KCNK1: variants seen among roughly 807,000 people sequenced by gnomAD.
KCNK1 encodes the protein potassium two pore domain channel subfamily K member 1, also known as potassium channel subfamily K member 1.
KCNK1 carries 10 observed loss-of-function variants against 22.2 expected under a neutral mutation model. The ratio of observed to expected loss-of-function variants is 0.45; its 90% CI spans 0.28 to 0.76. The LOEUF (loss-of-function observed/expected upper bound fraction) is 0.76, where lower values mean the gene tolerates loss of function less well. Ranked by LOEUF, KCNK1 falls within the 30% of genes least tolerant of loss-of-function variation. KCNK1 has a pLI of 0.14. For missense variants in KCNK1, 378 were observed against 421.0 expected (o/e 0.90, Z 0.89); for synonymous variants, 200 against 186.4 (o/e 1.07, Z -0.60).
At chr1:233,629,101 A>T (rs1481168800) in intron 1 of KCNK1, among the ~76,000 whole-genome samples, 1 of 152,226 alleles carries the variant, frequency 6.6e-6, no homozygotes, top group African/African-American at 2.4e-5. Flanking sequence ...GGGATGCATT[A>T]AAAAATACTG....
chr1:233,661,988 G>T (rs1253111746), intron 1 of KCNK1: 1 of 152,168 alleles, frequency 6.6e-6, no homozygotes, highest in Non-Finnish European at 1.5e-5. Flanking sequence ...CCGGTGTTAC[G>T]GTTCACTGTA....
At chr1:233,658,614 T>G (rs985971910) in intron 1 of KCNK1, among the ~76,000 whole-genome samples, 1 of 152,174 alleles carries the variant, frequency 6.6e-6, no homozygotes, top group Non-Finnish European at 1.5e-5. Flanking sequence ...GAGAAATGCA[T>G]CCTTAGGTGT....
At chr1:233,668,976 G>T (rs909742717) in intron 2 of KCNK1, among the ~76,000 whole-genome samples, 7 of 152,186 alleles carry the variant, frequency 4.6e-5, no homozygotes, top group African/African-American at 1.7e-4. Context: ...CTGGTGCAAA[G>T]TGAATACGCC....
In KCNK1 at chr1:233,644,491, ATAG is replaced by A. The variant is rs1658056084; in HGVS notation, c.356-22099_356-22097del. 2.0e-5 allele frequency among the ~76,000 whole-genome samples: 3 copies of A among 152,246 alleles called. No homozygotes were observed. The South Asian group carries it at 6.2e-4, about 32-fold the overall frequency. On this transcript the variant is annotated intron_variant, in intron 1 of 2. Transcript: ENST00000366621. The stretch of plus-strand genomic sequence containing the variant: ...GGCAATCAGTACATAATTCAATTAG[ATAG>A]TAGTGGGGGCTACAACAAATTGAAA...
chr1:233,633,359 A>T (rs181598446), intron 1 of KCNK1, among the ~76,000 whole-genome samples: 1 of 152,192 alleles, frequency 6.6e-6, no homozygotes, highest in Admixed American at 6.5e-5. Flanking sequence ...GAGCATTTTC[A>T]TGTAGGTTAT....
rs188815763 is a variant in KCNK1 at position 233,631,611 on chromosome 1, C to T, written c.355+17085C>T. On this transcript the variant is annotated intron_variant, in intron 1 of 2. Coordinates refer to ENST00000366621, the MANE Select transcript of KCNK1 (RefSeq NM_002245.4). ...CACTCATCATCTCTACTCTGCAAGT[C>T]TAAAAATGTGGCGTGTGTCAGGGTA... 6 of 251,960 alleles carry T rather than the reference C, an allele frequency of 2.4e-5. No homozygotes were observed. In the Admixed American group the frequency reaches 2.9e-4, roughly 12 times the overall value. The allele number at this position is 251,960 out of a possible 1,614,324, so 15.6% of individuals were successfully genotyped here. A position where few individuals can be genotyped will look rare whatever the true frequency, so the allele number is the denominator to read the frequency against.
At chr1:233,646,837 C>T (rs139171802) in intron 1 of KCNK1, among the ~76,000 whole-genome samples, 11 of 152,188 alleles carry the variant, frequency 7.2e-5, no homozygotes, top group Non-Finnish European at 1.5e-5. Flanking sequence ...AGAATTAATT[C>T]AGGGATTTGT....
chr1:233,622,582 T>A (rs1472395055), intron 1 of KCNK1, among the ~76,000 whole-genome samples: 1 of 152,202 alleles, frequency 6.6e-6, no homozygotes, highest in Non-Finnish European at 1.5e-5. Flanking sequence ...TCCCCAAAGT[T>A]GGTGGCCCAC....
At chr1:233,641,736 A>G (rs879341102) in intron 1 of KCNK1, among the ~76,000 whole-genome samples, 1 of 152,198 alleles carries the variant, frequency 6.6e-6, no homozygotes, top group Non-Finnish European at 1.5e-5. Context: ...CAAGAGAAAA[A>G]CAAGCAAGTT....
intron 1 of KCNK1, among the ~76,000 whole-genome samples, chr1:233,640,396 C>A (rs1049225514): frequency 1.3e-5 from 2 of 152,152 alleles, no homozygotes; most frequent in African/African-American, 2.4e-5. Context: ...GGAAACCTAA[C>A]CTTGCTTTTG....
rs149881358 is a variant in KCNK1 at position 233,655,230 on chromosome 1, T to C, written c.356-11365T>C. Among the ~76,000 whole-genome samples the C allele has an allele frequency of 3.3e-3, 501 of 152,350 alleles. 1 individual carries two copies. The highest frequency in any genetic ancestry group is 3.9e-3 in the Non-Finnish European group (263 of 68,036). On this transcript the variant is annotated intron_variant, in intron 1 of 2. Coordinates refer to ENST00000366621, the MANE Select transcript of KCNK1 (RefSeq NM_002245.4). ...TTTTCTTTCTTTCTATTCTTTTCTT[T>C]CTTTTGAAATGGAAATGTCTATTCT...
chr1:233,671,855 G>A lies in KCNK1; in HGVS notation c.*325G>A, dbSNP rs1222844021. On this transcript the variant is annotated 3_prime_UTR_variant, in exon 3 of 3. Transcript: ENST00000366621. ...GAAGCAGATTTTATACTTTTAACTG[G>A]AAACTTTGGGGTTTGCATTTAGATC... 1 of 239,516 alleles carries A rather than the reference G, an allele frequency of 4.2e-6. No homozygotes were observed. Among genetic ancestry groups the A allele is most frequent in the Non-Finnish European group, 8.1e-6 (1 of 123,542 alleles). 14.8% of individuals were successfully genotyped at this position (239,516 alleles called of 1,614,324 possible). A position where few individuals can be genotyped will look rare whatever the true frequency, so the allele number is the denominator to read the frequency against.
rs114369094 is a variant in KCNK1 at position 233,636,357 on chromosome 1, G to C, written c.355+21831G>C. Among the ~76,000 whole-genome samples, 515 of 152,312 alleles carry C rather than the reference G, an allele frequency of 3.4e-3. 5 individuals carry two copies. The highest frequency in any genetic ancestry group is 0.012 in the African/African-American group (503 of 41,576). ...TACTGTAATCCTCAGAGAGATCTCCGTGGCTTGGGCTACAGCAGGAGAGTG... is the reference window on the plus strand; with the variant it reads ...TACTGTAATCCTCAGAGAGATCTCCCTGGCTTGGGCTACAGCAGGAGAGTG... On this transcript the variant is annotated intron_variant, in intron 1 of 2. Transcript: ENST00000366621.
intron 1 of KCNK1, among the ~76,000 whole-genome samples, chr1:233,651,692 A>G (rs1280147737): frequency 6.6e-6 from 1 of 152,210 alleles, no homozygotes; most frequent in African/African-American, 2.4e-5. Context: ...AATGTCCCAG[A>G]TAGAAAGGTG....
intron 1 of KCNK1, among the ~76,000 whole-genome samples, chr1:233,651,857 G>T (rs1658206409): frequency 1.3e-5 from 2 of 152,224 alleles, no homozygotes. Flanking sequence ...TCTCTGGCAG[G>T]CTGCTGTCTC....
At chr1:233,631,436 C>G (rs974651693) in intron 1 of KCNK1, 4 of 393,682 alleles carry the variant, frequency 1.0e-5, no homozygotes, top group African/African-American at 8.6e-5. Context: ...AGCTCAAAAG[C>G]AGAAAATGTT....
Position 233,614,351 on chromosome 1 carries a change from G to A in KCNK1, c.180G>A (p.Lys60=), listed in dbSNP as rs768589212. 5.6e-6 allele frequency: 9 copies of A among 1,611,464 alleles called. No individual in the cohort carries two copies. Among genetic ancestry groups the A allele is most frequent in the Non-Finnish European group, 7.6e-6 (9 of 1,179,008 alleles). The change falls in exon 1 of 3, where the codon AAG becomes AAA. Residue 60 remains lysine, a synonymous_variant. Transcript: ENST00000366621. The part of the protein sequence containing the change: ...DLLRQELRKL[K]RRFLEEHECL... ...TGCGCCAGGAGCTGCGCAAGCTGAA[G>A]CGACGCTTCTTGGAGGAGCACGAGT...
chr1:233,654,322 G>A lies in KCNK1; in HGVS notation c.356-12273G>A, dbSNP rs371351808. On this transcript the variant is annotated intron_variant, in intron 1 of 2. Coordinates refer to ENST00000366621, the MANE Select transcript of KCNK1 (RefSeq NM_002245.4). Reference sequence around the variant, plus strand: ...GTATACCTGTGTAACAAACCTGCACGTTCAGCACATATATCCCAGAACTTA... The same window carrying A: ...GTATACCTGTGTAACAAACCTGCACATTCAGCACATATATCCCAGAACTTA... Among the ~76,000 whole-genome samples the A allele has an allele frequency of 1.1e-4, 17 of 152,204 alleles. No homozygotes were observed. In the South Asian group the frequency reaches 2.1e-3, roughly 19 times the overall value.
Position 233,614,133 on chromosome 1 carries a change from C to T in KCNK1, c.-39C>T, listed in dbSNP as rs780400682. 6 of 1,219,294 alleles carry T rather than the reference C, an allele frequency of 4.9e-6. No individual in the cohort carries two copies. The Admixed American group carries it at 2.0e-4, about 41-fold the overall frequency. 75.5% of individuals were successfully genotyped at this position (1,219,294 alleles called of 1,614,324 possible). A position where few individuals can be genotyped will look rare whatever the true frequency, so the allele number is the denominator to read the frequency against. On this transcript the variant is annotated 5_prime_UTR_variant, in exon 1 of 3. Transcript: ENST00000366621. ...AAGAGGCGGCGGGCCGCGCTCCGGC[C>T]GGTCTGCGGCGTTGGCCTTGGCGGC...
Sources: gnomAD v4.1 joint callset for allele counts (sites outside exome capture counted in the v4.1 genomes callset) on GRCh38, gnomAD v4.1.1 for gene constraint, MANE v1.5 for transcripts, NCBI Gene and HGNC (gene_info 2026-07-23, HGNC 2026-07-21) for gene names.